The following HERC1 variants were observed in gnomAD, a reference collection of about 807,000 sequenced individuals.
HERC1 encodes the protein HECT and RLD domain containing E3 ubiquitin protein ligase family member 1.
Under a neutral mutation model 554.3 loss-of-function variants are expected in HERC1, and 160 were observed. The ratio of observed to expected loss-of-function variants is 0.29; its 90% CI spans 0.25 to 0.33. The LOEUF is 0.33. HERC1 is among the 10% of genes least tolerant of loss of function. The pLI is 1.00. For synonymous variants in HERC1, 2,175 were observed against 2,131.7 expected (o/e 1.02, Z -0.56); for missense variants, 4,919 against 5,918.5 (o/e 0.83, Z 5.54).
chr15:63,719,111 T>C (rs2073695225), intron 19 of HERC1, among the ~76,000 whole-genome samples: 1 of 152,162 alleles, frequency 6.6e-6, no homozygotes, highest in African/African-American at 2.4e-5. Flanking sequence ...GCTTATATTA[T>C]TGTTAGGAGG....
chr15:63,742,517 TGGCA>T (rs2074850858), intron 12 of HERC1, among the ~76,000 whole-genome samples: 1 of 152,186 alleles, frequency 6.6e-6, no homozygotes, highest in South Asian at 2.1e-4. Flanking sequence ...AGAATAGAAA[TGGCA>T]GGAGTGGAAG....
intron 12 of HERC1, among the ~76,000 whole-genome samples, chr15:63,741,111 C>A (rs963781409): frequency 2.6e-5 from 4 of 152,028 alleles, no homozygotes; most frequent in Non-Finnish European, 5.9e-5. Flanking sequence ...TCACTGCAAC[C>A]TCTGCCTCCC....
chr15:63,746,715 C>A (rs944344985), intron 12 of HERC1, among the ~76,000 whole-genome samples: 2 of 152,058 alleles, frequency 1.3e-5, no homozygotes, highest in Admixed American at 1.3e-4. Flanking sequence ...GGTGGGAGAG[C>A]AGGAATAAAA....
At chr15:63,706,022 C>T (rs1266868071) in intron 25 of HERC1, among the ~76,000 whole-genome samples, 4 of 89,830 alleles carry the variant, frequency 4.5e-5, no homozygotes, top group Middle Eastern at 0.011. Flanking sequence ...AAAGCAAGAC[C>T]CTGTCTCCAA....
At chr15:63,764,750 TCTCTA>T (rs61100980) in intron 2 of HERC1, among the ~76,000 whole-genome samples, 2,630 of 152,188 alleles carry the variant, frequency 0.017, 72 homozygotes, top group African/African-American at 0.061. Context: ...GTTAACTGTC[TCTCTA>T]AAACAATAAT....
intron 76 of HERC1, among the ~76,000 whole-genome samples, chr15:63,615,075 T>C (rs1272484346): frequency 6.6e-6 from 1 of 152,102 alleles, no homozygotes; most frequent in Non-Finnish European, 1.5e-5. Context: ...AAGACCAGCA[T>C]TTGAAGGTTC....
chr15:63,724,834 G>T (rs376522641), intron 18 of HERC1, among the ~76,000 whole-genome samples: 2 of 152,210 alleles, frequency 1.3e-5, no homozygotes, highest in African/African-American at 4.8e-5. Flanking sequence ...TTTAAGTGGC[G>T]AAGAAAAAAT....
intron 1 of HERC1, among the ~76,000 whole-genome samples, chr15:63,810,320 A>T (rs138229811): frequency 2.0e-5 from 3 of 152,300 alleles, no homozygotes; most frequent in African/African-American, 7.2e-5. Flanking sequence ...ATACACATAC[A>T]CTGAAATAGT....
intron 1 of HERC1, among the ~76,000 whole-genome samples, chr15:63,776,739 G>A (rs1331113063): frequency 5.3e-5 from 8 of 152,172 alleles, no homozygotes; most frequent in Non-Finnish European, 1.2e-4. Flanking sequence ...GCCAAGGCAG[G>A]AGGACTGCTT....
At chr15:63,717,618 C>A (rs917174258) in intron 21 of HERC1, among the ~76,000 whole-genome samples, 6 of 152,122 alleles carry the variant, frequency 3.9e-5, no homozygotes, top group African/African-American at 1.4e-4. Context: ...TTTTGGGAGG[C>A]CGAGGTGGGT....
At chr15:63,776,037 C>A (rs375184943) in intron 1 of HERC1, among the ~76,000 whole-genome samples, 199 of 131,030 alleles carry the variant, frequency 1.5e-3, no homozygotes, top group South Asian at 1.7e-3. Flanking sequence ...GACTCCGTCT[C>A]AAAAAAAAAA....
rs1218969859 is a variant in HERC1, at chr15:63,664,539, T to C, written c.8611A>G (p.Arg2871Gly). Reference sequence around the variant, plus strand: ...CTTCTTGTTACCGCTGAGCGACCTCTAGCTGATGGTCCACTTCCAGAAGCT... The same window carrying C: ...CTTCTTGTTACCGCTGAGCGACCTCCAGCTGATGGTCCACTTCCAGAAGCT... ...NAASGSGPSA[R>G]GRSAVTRRHK... is the part of the protein sequence containing the mutation. The change falls in exon 43 of 78, where the codon AGA becomes GGA. Residue 2871 changes from arginine to glycine, a missense_variant. Coordinates refer to ENST00000443617, the MANE Select transcript of HERC1 (RefSeq NM_003922.4). 6.2e-7 allele frequency: 1 copy of C among 1,613,426 alleles called. No individual in the cohort carries two copies.
intron 74 of HERC1, among the ~76,000 whole-genome samples, chr15:63,622,408 G>A (rs2068121035): frequency 6.8e-6 from 1 of 146,430 alleles, no homozygotes; most frequent in African/African-American, 2.5e-5. Context: ...GCTCACTGCA[G>A]CCTCTGCCTC....
intron 1 of HERC1, among the ~76,000 whole-genome samples, chr15:63,823,914 A>C (rs1596330639): frequency 6.6e-6 from 1 of 152,374 alleles, no homozygotes; most frequent in African/African-American, 2.4e-5. Flanking sequence ...GTATCTGTTA[A>C]TATCCAAAAT....
At position 63,633,829 on chromosome 15, in the gene HERC1, G is replaced by C. The variant is rs748590857; in HGVS notation, c.12693+19C>G. 14 of 1,609,206 alleles carry C rather than the reference G, an allele frequency of 8.7e-6. No individual in the cohort carries two copies. In the East Asian group the frequency reaches 2.2e-4, roughly 26 times the overall value. On this transcript the variant is annotated intron_variant, in intron 67 of 77. Transcript: ENST00000443617. ...ACTATTTATGTTGTCTGAAAACCTAGACTCAAGGCAGTACTGACCTGAGGT... is the reference window on the plus strand; with the variant it reads ...ACTATTTATGTTGTCTGAAAACCTACACTCAAGGCAGTACTGACCTGAGGT...
chr15:63,689,808 T>C (rs1008113420), intron 32 of HERC1, 109 bp from the exon 33 acceptor site: 2 of 611,236 alleles, frequency 3.3e-6, no homozygotes, highest in Non-Finnish European at 5.6e-6. Flanking sequence ...GAAGTTTGAT[T>C]ATACCAGTGT....
At chr15:63,691,223 T>C (rs896820620) in intron 31 of HERC1, among the ~76,000 whole-genome samples, 1 of 152,088 alleles carries the variant, frequency 6.6e-6, no homozygotes, top group Non-Finnish European at 1.5e-5. Flanking sequence ...CCCAGCACTT[T>C]GGGAGGCTGA....
intron 12 of HERC1, among the ~76,000 whole-genome samples, chr15:63,736,712 G>A (rs1243129628): frequency 6.6e-6 from 1 of 151,888 alleles, no homozygotes; most frequent in African/African-American, 2.4e-5. Context: ...GGGTTCAAGC[G>A]ATTTTCCTGC....
intron 69 of HERC1, among the ~76,000 whole-genome samples, chr15:63,629,760 A>G (rs1172431997): frequency 6.6e-6 from 1 of 152,166 alleles, no homozygotes; most frequent in Non-Finnish European, 1.5e-5. Context: ...ATAATGCTAG[A>G]CCTTGAACTT....
Sources: gnomAD v4.1 joint callset for allele counts (sites outside exome capture counted in the v4.1 genomes callset) on GRCh38, gnomAD v4.1.1 for gene constraint, MANE v1.5 for transcripts, NCBI Gene and HGNC (gene_info 2026-07-23, HGNC 2026-07-21) for gene names.